PDS5B: variants seen among roughly 807,000 people sequenced by gnomAD.
The protein encoded by PDS5B is PDS5 cohesin associated factor B.
PDS5B carries 51 observed loss-of-function variants against 184.1 expected under a neutral mutation model. That is an observed-to-expected ratio of 0.28 (90% CI 0.22 to 0.35). The LOEUF (loss-of-function observed/expected upper bound fraction) is 0.35, where lower values mean the gene tolerates loss of function less well. Among genes scored for constraint, PDS5B ranks in the 10% least tolerant of loss-of-function variants. The probability of loss-of-function intolerance (pLI) is 1.00; values close to 1 mark genes in which losing one functional copy is unlikely to be tolerated. For synonymous variants in PDS5B, 566 were observed against 569.2 expected (o/e 0.99, Z 0.08); for missense variants, 1,180 against 1,723.3 (o/e 0.68, Z 5.58).
chr13:32,748,303 T>C (rs1202838335), intron 24 of PDS5B, among the ~76,000 whole-genome samples: 1 of 152,166 alleles, frequency 6.6e-6, no homozygotes, highest in Non-Finnish European at 1.5e-5. Context: ...TTGCCTTTGT[T>C]GTTTTCCAGA....
intron 6 of PDS5B, among the ~76,000 whole-genome samples, chr13:32,663,863 T>A (rs1165802248): frequency 1.3e-5 from 2 of 152,168 alleles, no homozygotes; most frequent in African/African-American, 4.8e-5. Context: ...GTGTTTTTTG[T>A]CTCTTGTTCC....
At chr13:32,622,981 G>A (rs975605654) in intron 1 of PDS5B, among the ~76,000 whole-genome samples, 1 of 152,180 alleles carries the variant, frequency 6.6e-6, no homozygotes, top group African/African-American at 2.4e-5. Context: ...CAAGAATTTG[G>A]AGACTAGGGT....
chr13:32,755,730 C>T (rs373812408), intron 25 of PDS5B, 112 bp from the exon 26 acceptor site: 14 of 554,070 alleles, frequency 2.5e-5, no homozygotes, highest in African/African-American at 9.6e-5. Flanking sequence ...AAATATAGTA[C>T]GAAAGAAAGA....
intron 31 of PDS5B, among the ~76,000 whole-genome samples, chr13:32,768,917 C>T (rs991663550): frequency 3.7e-5 from 5 of 134,036 alleles, no homozygotes; most frequent in East Asian, 4.3e-4. Flanking sequence ...CTGGCTAACA[C>T]GGTGAAACCC....
At chr13:32,602,094 C>CT (rs199546480) in intron 1 of PDS5B, among the ~76,000 whole-genome samples, 2,436 of 151,334 alleles carry the variant, frequency 0.016, 64 homozygotes, top group African/African-American at 0.055. Flanking sequence ...AAATCCTTGT[C>CT]TTTTTTTTAA....
At chr13:32,614,415 G>A (rs1300452744) in intron 1 of PDS5B, among the ~76,000 whole-genome samples, 2 of 151,076 alleles carry the variant, frequency 1.3e-5, no homozygotes, top group African/African-American at 4.9e-5. Context: ...CTCATGCCTT[G>A]GCCTCTAGAG....
chr13:32,650,960 C>T (rs940203175), intron 2 of PDS5B, among the ~76,000 whole-genome samples: 4 of 152,154 alleles, frequency 2.6e-5, no homozygotes, highest in Admixed American at 1.3e-4. Flanking sequence ...GTCACCTTTC[C>T]ATTGGAGTTG....
intron 10 of PDS5B, among the ~76,000 whole-genome samples, chr13:32,680,322 C>A (rs1412263927): frequency 6.6e-6 from 1 of 152,178 alleles, no homozygotes; most frequent in Admixed American, 6.5e-5. Flanking sequence ...ACTCTGAGTA[C>A]ATGGTTGGGT....
chr13:32,771,329 A>C (rs940404180), intron 33 of PDS5B, among the ~76,000 whole-genome samples: 1 of 152,186 alleles, frequency 6.6e-6, no homozygotes, highest in African/African-American at 2.4e-5. Context: ...ATGTTCACAC[A>C]AACACATTTA....
chr13:32,758,911 T>C (rs1204328798), intron 28 of PDS5B, among the ~76,000 whole-genome samples: 1 of 152,112 alleles, frequency 6.6e-6, no homozygotes, highest in African/African-American at 2.4e-5. Flanking sequence ...ATCTGTGAAT[T>C]AATGGCCATT....
At chr13:32,707,074 A>G in intron 18 of PDS5B, 35 bp downstream of exon 18, 1 of 1,126,984 alleles carries the variant, frequency 8.9e-7, no homozygotes, top group Non-Finnish European at 1.3e-6. Flanking sequence ...GCCTAATTAG[A>G]TATCTGTTTA....
At chr13:32,685,740 T>G (rs1159039748) in intron 11 of PDS5B, among the ~76,000 whole-genome samples, 1 of 152,092 alleles carries the variant, frequency 6.6e-6, no homozygotes, top group Non-Finnish European at 1.5e-5. Flanking sequence ...TGACCTGGGT[T>G]CCAACAGTCC....
At chr13:32,767,789 A>G (rs1030294890) in intron 31 of PDS5B, among the ~76,000 whole-genome samples, 8 of 152,180 alleles carry the variant, frequency 5.3e-5, no homozygotes, top group African/African-American at 1.9e-4. Flanking sequence ...AGTTTTTTTC[A>G]ACTGAATATA....
Position 32,770,760 on chromosome 13 carries a change from G to C in PDS5B, c.4171G>C (p.Val1391Leu), listed in dbSNP as rs561693185. The change falls in exon 33 of 35, where the codon GTC (valine) becomes CTC (leucine). Residue 1391 changes from valine to leucine, a missense_variant and splice_region_variant. By Grantham distance (32) the Val-to-Leu change is conservative. This residue lies in a region of PDS5B where 465 missense variants were observed against 497.8 expected (regional missense o/e 0.93). Coordinates refer to ENST00000315596, the MANE Select transcript of PDS5B (RefSeq NM_015032.4). ...TPSPSQPKKN[V>L]RVGRSKQAAT... ...ATCACCATCACAACCAAAAAAAAAT[G>C]TGTAAGTTGTAAATATTACATTTCA... The C allele has an allele frequency of 1.9e-6, 3 of 1,586,464 alleles. No individual in the cohort carries two copies. The African/African-American group carries it at 4.1e-5, about 22-fold the overall frequency.
intron 24 of PDS5B, among the ~76,000 whole-genome samples, chr13:32,752,087 C>T (rs1954004658): frequency 6.6e-6 from 1 of 152,002 alleles, no homozygotes; most frequent in Non-Finnish European, 1.5e-5. Flanking sequence ...TCATGAAGGT[C>T]TTTGTAGGTC....
chr13:32,724,114 G>T (rs1042293235), intron 19 of PDS5B, among the ~76,000 whole-genome samples: 3 of 152,136 alleles, frequency 2.0e-5, no homozygotes, highest in Non-Finnish European at 4.4e-5. Flanking sequence ...CTCAAAAAAT[G>T]TGTTTTTGTT....
At chr13:32,599,869 C>T (rs1162043783) in intron 1 of PDS5B, among the ~76,000 whole-genome samples, 3 of 152,018 alleles carry the variant, frequency 2.0e-5, no homozygotes, top group South Asian at 2.1e-4. Flanking sequence ...GAGCCGAGAT[C>T]GTGCCAGTGT....
At chr13:32,658,610 T>C (rs1425544340) in intron 5 of PDS5B, 79 bp downstream of exon 5, 4 of 662,622 alleles carry the variant, frequency 6.0e-6, no homozygotes, top group Non-Finnish European at 1.1e-5. Flanking sequence ...GCATAAACTG[T>C]TACAATGAAT....
intron 1 of PDS5B, among the ~76,000 whole-genome samples, chr13:32,587,808 A>G (rs1168390167): frequency 6.6e-6 from 1 of 152,224 alleles, no homozygotes; most frequent in Admixed American, 6.5e-5. Context: ...GCCCAGACTG[A>G]TCCTACCCTG....
Sources: gnomAD v4.1 joint callset for allele counts (sites outside exome capture counted in the v4.1 genomes callset) on GRCh38, gnomAD v4.1.1 for gene constraint, gnomAD v4.1.1 regional missense constraint, MANE v1.5 for transcripts, NCBI Gene and HGNC (gene_info 2026-07-23, HGNC 2026-07-21) for gene names.